The following PGBD5 variants were observed in gnomAD, a reference collection of about 807,000 sequenced individuals.
PGBD5 encodes piggyBac transposable element-derived protein 5.
PGBD5 carries 14 observed loss-of-function variants against 47.9 expected under a neutral mutation model. The ratio of observed to expected loss-of-function variants is 0.29; its 90% confidence interval spans 0.19 to 0.46. The LOEUF is 0.46. Among genes scored for constraint, PGBD5 ranks in the 20% least tolerant of loss-of-function variants. The pLI, the probability that PGBD5 is intolerant of heterozygous loss-of-function variation, is 1.00. For missense variants in PGBD5, 635 were observed against 716.0 expected (o/e 0.89, Z 1.29); for synonymous variants, 316 against 306.3 (o/e 1.03, Z -0.33).
chr1:230,351,260 A>G (rs1164847036), intron 2 of PGBD5, among the ~76,000 whole-genome samples, 168 bp from the exon 3 acceptor site: 1 of 152,216 alleles, frequency 6.6e-6, no homozygotes. Context: ...GGGTGGTATC[A>G]TTATCTATAC....
At chr1:230,406,831 G>A (rs1417140455) in intron 1 of PGBD5, among the ~76,000 whole-genome samples, 1 of 152,148 alleles carries the variant, frequency 6.6e-6, no homozygotes. Flanking sequence ...TCACAATCAA[G>A]TTTGACAACA....
At chr1:230,403,345 G>T (rs1266492056) in intron 1 of PGBD5, among the ~76,000 whole-genome samples, 1 of 152,224 alleles carries the variant, frequency 6.6e-6, no homozygotes, top group African/African-American at 2.4e-5. Flanking sequence ...AAGCCTTTCA[G>T]GTATCTGAGT....
chr1:230,384,006 C>T (rs1656577540), intron 1 of PGBD5, among the ~76,000 whole-genome samples: 1 of 151,404 alleles, frequency 6.6e-6, no homozygotes, highest in South Asian at 2.1e-4. Flanking sequence ...CCCAGAGAAA[C>T]AGCGTGCTTG....
intron 1 of PGBD5, among the ~76,000 whole-genome samples, chr1:230,403,616 C>A (rs1285637815): frequency 6.6e-6 from 1 of 152,252 alleles, no homozygotes; most frequent in Admixed American, 6.5e-5. Flanking sequence ...AGTGCTCCGC[C>A]TGGATTCCCA....
At chr1:230,349,120 T>C (rs927967086) in intron 3 of PGBD5, among the ~76,000 whole-genome samples, 1 of 152,186 alleles carries the variant, frequency 6.6e-6, no homozygotes, top group Admixed American at 6.5e-5. Context: ...GAGAGAGAGA[T>C]CTGTGGCCTT....
At position 230,364,203 on chromosome 1, in the gene PGBD5, G is replaced by C. The variant is rs76805223; in HGVS notation, c.332-6882C>G. On this transcript the variant is annotated intron_variant, in intron 1 of 6. Transcript: ENST00000391860. ...CGTGGGGGTAGGTGCCCGTGGGGTT[G>C]AGTCCTGGCTCACTTCCGGACACCA... Among the ~76,000 whole-genome samples, 275 of 152,366 alleles carry C rather than the reference G, an allele frequency of 1.8e-3. 6 individuals carry two copies. The East Asian group carries it at 0.038, about 21-fold the overall frequency.
chr1:230,337,215 C>T lies in PGBD5; in HGVS notation c.968G>A (p.Ser323Asn). ...DALKNKPQLH[S>N]MVARSLCRNA... ...CCGGCACAGGCTCCTGGCCACCATG[C>T]TGTGGAGCTGGGGCTTATTCTTCAG... The change falls in exon 4 of 7, where the codon AGC becomes AAC. Residue 323 changes from serine (S) to asparagine (N), a missense_variant. By Grantham distance (46) the Ser-to-Asn change is conservative. Transcript: ENST00000391860. The T allele has an allele frequency of 6.2e-7, 1 of 1,614,176 alleles. No homozygotes were observed. Among genetic ancestry groups the T allele is most frequent in the Non-Finnish European group, 8.5e-7 (1 of 1,180,034 alleles).
intron 5 of PGBD5, among the ~76,000 whole-genome samples, chr1:230,332,529 G>A (rs7414802): frequency 0.39 from 59,947 of 152,044 alleles, 12,990 homozygotes; most frequent in Non-Finnish European, 0.47. Context: ...AATCCCAGAC[G>A]ACAAAGTGAA....
In PGBD5 at chr1:230,323,348, C is replaced by T; in HGVS notation, c.*77G>A. ...GCCACACACCAGGCCGTGTCCGGGT[C>T]TCTGATGGGCAAGTTGGAACGGCAG... On this transcript the variant is annotated 3_prime_UTR_variant, in exon 7 of 7. Transcript: ENST00000391860. This position sits in a 1 kb window ranked among gnomAD's most constrained non-coding sequence, Gnocchi z 4.1. 1 of 1,528,656 alleles carries T rather than the reference C, an allele frequency of 6.5e-7. No individual in the cohort carries two copies. 94.7% of individuals were successfully genotyped at this position (1,528,656 alleles called of 1,614,324 possible).
chr1:230,333,021 G>A lies in PGBD5; in HGVS notation c.1096C>T (p.Leu366Phe), dbSNP rs775129684. ...EKQGIYCCGL[L>F]RARKSDCTGL... ...GTGCAGTCACTCTTCCGCGCGCGGA[G>A]CAAGCCGCAGCAGTAAATCCCTGAG... The change falls in exon 5 of 7, where the codon CTC becomes TTC. Residue 366 changes from leucine (L) to phenylalanine (F), a missense_variant. Leu to Phe is a conservative substitution (Grantham distance 22). Coordinates refer to ENST00000391860, the MANE Select transcript of PGBD5 (RefSeq NM_001258311.2). The A allele has an allele frequency of 6.2e-7, 1 of 1,600,246 alleles. No homozygotes were observed. The highest frequency in any genetic ancestry group is 8.5e-7 in the Non-Finnish European group (1 of 1,173,968).
chr1:230,366,874 C>T (rs1230741840), intron 1 of PGBD5, among the ~76,000 whole-genome samples: 4 of 152,290 alleles, frequency 2.6e-5, no homozygotes, highest in East Asian at 1.9e-4. Flanking sequence ...AAACAGCCGC[C>T]GTAGCCACCA....
intron 1 of PGBD5, chr1:230,367,855 C>T (rs1667863390): frequency 9.7e-7 from 1 of 1,030,862 alleles, no homozygotes; most frequent in Non-Finnish European, 1.3e-6. Context: ...ATTTCATTCT[C>T]GCAACAGCCA....
chr1:230,381,047 T>C (rs1656467891), intron 1 of PGBD5, among the ~76,000 whole-genome samples: 1 of 152,254 alleles, frequency 6.6e-6, no homozygotes, highest in Admixed American at 6.5e-5. Flanking sequence ...ACGTGCACAG[T>C]GCTTACAGTT....
chr1:230,418,355 A>G (rs1347042467), intron 1 of PGBD5, among the ~76,000 whole-genome samples: 1 of 152,198 alleles, frequency 6.6e-6, no homozygotes, highest in African/African-American at 2.4e-5. Context: ...CAATATAAAG[A>G]TAGGACTGCT....
intron 1 of PGBD5, among the ~76,000 whole-genome samples, chr1:230,416,828 G>A (rs1657524751): frequency 6.6e-6 from 1 of 152,174 alleles, no homozygotes; most frequent in Admixed American, 6.5e-5. Flanking sequence ...ATATGAACTT[G>A]TGTTTGTAAA....
intron 1 of PGBD5, among the ~76,000 whole-genome samples, chr1:230,414,197 C>T (rs1417867970): frequency 6.6e-6 from 1 of 152,100 alleles, no homozygotes; most frequent in Non-Finnish European, 1.5e-5. Flanking sequence ...CCTGGAGTCA[C>T]CCCTCTGGGA....
chr1:230,380,097 A>G (rs187099724), intron 1 of PGBD5, among the ~76,000 whole-genome samples: 1 of 152,356 alleles, frequency 6.6e-6, no homozygotes, highest in Non-Finnish European at 1.5e-5. Context: ...CCCAGAGTGC[A>G]GCAAATGTCA....
intron 1 of PGBD5, among the ~76,000 whole-genome samples, chr1:230,382,594 C>T (rs1017903760): frequency 3.9e-5 from 6 of 152,138 alleles, no homozygotes; most frequent in Admixed American, 6.5e-5. Context: ...CCTTAGGCCC[C>T]GGATTTTCAG....
At chr1:230,344,287 A>G (rs910334394) in intron 3 of PGBD5, among the ~76,000 whole-genome samples, 33 of 148,912 alleles carry the variant, frequency 2.2e-4, no homozygotes, top group Admixed American at 1.5e-3. Context: ...TCCGTCTCCA[A>G]AAAAAAAAAA....
Sources: gnomAD v4.1 joint callset for allele counts (sites outside exome capture counted in the v4.1 genomes callset) on GRCh38, gnomAD v4.1.1 for gene constraint, Gnocchi (gnomAD v3.1) non-coding constraint, MANE v1.5 for transcripts, NCBI Gene and HGNC (gene_info 2026-07-23, HGNC 2026-07-21) for gene names.